The following AP3S2 variants were observed in gnomAD, a reference collection of about 807,000 sequenced individuals.
The protein encoded by AP3S2 is AP-3 complex subunit sigma-2.
AP3S2 carries 22 observed loss-of-function variants against 23.4 expected under a neutral mutation model. The ratio of observed to expected loss-of-function variants is 0.94; its 90% confidence interval spans 0.67 to 1.34. The LOEUF (loss-of-function observed/expected upper bound fraction) is 1.34. Ranked by LOEUF, AP3S2 falls within the 40% of genes most tolerant of loss-of-function variation. AP3S2 has a pLI of 0.00. For missense variants in AP3S2, 241 were observed against 236.9 expected, an observed-to-expected ratio of 1.02 and a Z score of -0.11; for synonymous variants, 86 against 87.1, an observed-to-expected ratio of 0.99 and a Z score of 0.07.
chr15:89,849,683 T>A (rs931615186), intron 4 of AP3S2, among the ~76,000 whole-genome samples: 24 of 151,820 alleles, frequency 1.6e-4, no homozygotes, highest in Admixed American at 5.3e-4. Context: ...TTGTACTTTT[T>A]TAAAAAAAAA....
intron 4 of AP3S2, among the ~76,000 whole-genome samples, chr15:89,868,469 A>G (rs1896217141): frequency 1.4e-5 from 1 of 70,684 alleles, no homozygotes; most frequent in Non-Finnish European, 2.8e-5. Flanking sequence ...CCTACTGGGA[A>G]GTGAGGAGCC....
chr15:89,851,038 C>T (rs1323813407), intron 4 of AP3S2, among the ~76,000 whole-genome samples: 1 of 152,056 alleles, frequency 6.6e-6, no homozygotes. Flanking sequence ...CTAACAATGT[C>T]TATTTTCAAA....
chr15:89,867,826 G>C (rs1260888663), intron 4 of AP3S2, among the ~76,000 whole-genome samples: 1 of 121,468 alleles, frequency 8.2e-6, no homozygotes, highest in Admixed American at 8.1e-5. Flanking sequence ...CAGCTGCCCC[G>C]TCTGAGAAGT....
chr15:89,855,226 C>T (rs1453853290), intron 4 of AP3S2, among the ~76,000 whole-genome samples: 1 of 85,030 alleles, frequency 1.2e-5, no homozygotes, highest in African/African-American at 4.4e-5. Flanking sequence ...TGTGACCTTA[C>T]CCCCAACCCT....
intron 4 of AP3S2, among the ~76,000 whole-genome samples, chr15:89,860,294 T>C (rs1596202433): frequency 6.6e-6 from 1 of 152,264 alleles, no homozygotes; most frequent in South Asian, 2.1e-4. Flanking sequence ...TTAACAACGA[T>C]AACTAATAAT....
At chr15:89,849,536 T>G (rs978696371) in intron 4 of AP3S2, among the ~76,000 whole-genome samples, 3 of 151,962 alleles carry the variant, frequency 2.0e-5, no homozygotes, top group Non-Finnish European at 4.4e-5. Context: ...CCGGCTAATT[T>G]TTTGTATTTT....
At chr15:89,880,732 G>C (rs551566387) in intron 3 of AP3S2, among the ~76,000 whole-genome samples, 1 of 151,676 alleles carries the variant, frequency 6.6e-6, no homozygotes, top group African/African-American at 2.4e-5. Flanking sequence ...AAAGAAAAAT[G>C]TAACTCAGTT....
intron 3 of AP3S2, 47 bp downstream of exon 3, chr15:89,888,474 G>C: frequency 6.3e-7 from 1 of 1,591,764 alleles, no homozygotes; most frequent in Non-Finnish European, 8.6e-7. Flanking sequence ...CAAAAATCCC[G>C]TGGAAACTCT....
At chr15:89,858,516 AGAGAGAG>A (rs1567178768) in intron 4 of AP3S2, among the ~76,000 whole-genome samples, 1 of 49,878 alleles carries the variant, frequency 2.0e-5, no homozygotes, top group African/African-American at 6.7e-5. Flanking sequence ...AGAGAGAGAG[AGAGAGAG>A]AGAAAGAAAG....
In AP3S2 at chr15:89,893,397, G is replaced by A. The variant is rs149467615; in HGVS notation, c.69+484C>T. 518 of 244,092 alleles carry A rather than the reference G, an allele frequency of 2.1e-3. 5 individuals are homozygous for A. The highest frequency in any genetic ancestry group is 0.011 in the African/African-American group (474 of 45,068). 15.1% of individuals were successfully genotyped at this position (244,092 alleles called of 1,614,324 possible). A position where few individuals can be genotyped will look rare whatever the true frequency, so the allele number is the denominator to read the frequency against. ...GATTTTCTTCAACCCTAAGAGTGAA[G>A]GGTATCTAGTCTCTGGAAAGTCCCA... On this transcript the variant is annotated intron_variant, in intron 1 of 5. Coordinates refer to ENST00000336418, the MANE Select transcript of AP3S2 (RefSeq NM_005829.5).
rs115070871 is a variant in AP3S2 at position 89,841,998 on chromosome 15, C to G, written c.346-4276G>C. On this transcript the variant is annotated intron_variant, in intron 4 of 5. Coordinates refer to ENST00000336418, the MANE Select transcript of AP3S2 (RefSeq NM_005829.5). ...AAAGAAAACTTGATAAAATAGTTGT[C>G]TCTATGAAATGAGAGCTCAAAGCAG... Among the ~76,000 whole-genome samples the G allele has an allele frequency of 3.8e-3, 578 of 152,134 alleles. 4 individuals carry two copies. The highest frequency in any genetic ancestry group is 0.013 in the African/African-American group (546 of 41,524).
At chr15:89,853,651 T>A (rs1398216230) in intron 4 of AP3S2, among the ~76,000 whole-genome samples, 1 of 130,510 alleles carries the variant, frequency 7.7e-6, no homozygotes, top group East Asian at 2.3e-4. Context: ...CGCCATCCCA[T>A]CTAGGAAGTG....
chr15:89,866,712 C>T (rs1302398496), intron 4 of AP3S2, among the ~76,000 whole-genome samples: 11 of 151,824 alleles, frequency 7.2e-5, no homozygotes, highest in African/African-American at 2.4e-4. Context: ...CTCGAACTCC[C>T]GACCTCAGGC....
intron 4 of AP3S2, among the ~76,000 whole-genome samples, chr15:89,857,065 C>G (rs916296505): frequency 7.2e-5 from 11 of 152,088 alleles, no homozygotes; most frequent in African/African-American, 1.9e-4. Flanking sequence ...AACTTGAGAG[C>G]ATGAGCAAGA....
intron 4 of AP3S2, among the ~76,000 whole-genome samples, chr15:89,844,261 TTCTTTCTTTCTCTCTC>T (rs1176040061): frequency 1.3e-4 from 4 of 30,780 alleles, no homozygotes; most frequent in East Asian, 6.5e-4. Flanking sequence ...CTTTCTTTCT[TTCTTTCTTTCTCTCTC>T]TCTCTCTTTC....
chr15:89,854,900 G>A (rs867431042), intron 4 of AP3S2, among the ~76,000 whole-genome samples: 1 of 75,326 alleles, frequency 1.3e-5, no homozygotes, highest in Non-Finnish European at 3.0e-5. Flanking sequence ...GAGGTGGGGG[G>A]GGGGGGGGTT....
intron 4 of AP3S2, among the ~76,000 whole-genome samples, chr15:89,840,229 C>T (rs1457407514): frequency 6.6e-6 from 1 of 152,088 alleles, no homozygotes; most frequent in African/African-American, 2.4e-5. Flanking sequence ...ACATATTTTA[C>T]CACAATTTAA....
intron 4 of AP3S2, among the ~76,000 whole-genome samples, chr15:89,853,345 G>A (rs1895707154): frequency 6.6e-6 from 1 of 152,204 alleles, no homozygotes; most frequent in South Asian, 2.1e-4. Context: ...TCAAATAATT[G>A]AATGGTGGAT....
chr15:89,839,104 T>C (rs563327686), intron 4 of AP3S2, among the ~76,000 whole-genome samples: 1 of 152,326 alleles, frequency 6.6e-6, no homozygotes, highest in Admixed American at 6.5e-5. Context: ...AATTGTCATA[T>C]GTGTTCCAGG....
Sources: allele counts gnomAD v4.1 joint callset (sites outside exome capture counted in the v4.1 genomes callset), GRCh38; gene constraint gnomAD v4.1.1; transcripts MANE v1.5; gene names NCBI Gene and HGNC (gene_info 2026-07-23, HGNC 2026-07-21).